Variants in UBAC2 observed in about 807,000 individuals in gnomAD.
The protein encoded by UBAC2 is UBA domain containing 2.
A neutral mutation model predicts 44.0 loss-of-function variants in UBAC2; 26 were observed. The ratio of observed to expected loss-of-function variants is 0.59; its 90% confidence interval spans 0.43 to 0.82. The LOEUF is 0.82. Ranked by LOEUF, UBAC2 falls within the 40% of genes least tolerant of loss-of-function variation. The pLI, the probability that UBAC2 is intolerant of heterozygous loss-of-function variation, is 0.00. For missense variants in UBAC2, 329 were observed against 419.4 expected (o/e 0.78, Z 1.88); for synonymous variants, 155 against 154.3 (o/e 1.00, Z -0.04).
intron 4 of UBAC2, chr13:99,313,355 A>G (rs957238208): frequency 3.9e-5 from 6 of 152,208 alleles, no homozygotes; most frequent in African/African-American, 1.4e-4. Flanking sequence ...ACTGCCAACA[A>G]TGTTAAGAAA....
At chr13:99,365,055 A>G (rs1391828747) in intron 7 of UBAC2, among the ~76,000 whole-genome samples, 2 of 152,224 alleles carry the variant, frequency 1.3e-5, no homozygotes, top group Non-Finnish European at 2.9e-5. Context: ...TTTCTCTAGA[A>G]TAAGTTTTAA....
intron 1 of UBAC2, among the ~76,000 whole-genome samples, chr13:99,233,195 C>A (rs911960847): frequency 6.6e-6 from 1 of 151,666 alleles, no homozygotes. Context: ...TCACTGCAAC[C>A]TCCACTACCC....
intron 8 of UBAC2, among the ~76,000 whole-genome samples, chr13:99,376,351 G>A (rs1016872733): frequency 2.6e-5 from 4 of 152,184 alleles, no homozygotes; most frequent in African/African-American, 9.7e-5. Flanking sequence ...AGCTCGTGAC[G>A]AAAGGCAACT....
At chr13:99,367,720 C>T (rs1290640797) in intron 7 of UBAC2, 67 bp from the exon 8 acceptor site, 40 of 1,603,236 alleles carry the variant, frequency 2.5e-5, no homozygotes, top group Non-Finnish European at 3.1e-5. Context: ...TGAGAGAAAG[C>T]TCTTCCAAGC....
At chr13:99,246,744 A>G (rs1025150784) in intron 4 of UBAC2, among the ~76,000 whole-genome samples, 4 of 152,232 alleles carry the variant, frequency 2.6e-5, no homozygotes, top group African/African-American at 7.2e-5. Flanking sequence ...GGATTTACCT[A>G]TTTAAATCTC....
intron 4 of UBAC2, among the ~76,000 whole-genome samples, chr13:99,249,533 T>G (rs755918313): frequency 4.6e-5 from 7 of 152,244 alleles, no homozygotes; most frequent in African/African-American, 7.2e-5. Flanking sequence ...GTAGAATGAT[T>G]TATTTTCTTT....
chr13:99,255,738 C>T, intron 4 of UBAC2: 13 of 1,613,734 alleles, frequency 8.1e-6, no homozygotes, highest in African/African-American at 1.3e-5. Context: ...AACTGAAAAC[C>T]CATAATGCAG....
chr13:99,324,155 G>A (rs1213701296), intron 6 of UBAC2, among the ~76,000 whole-genome samples: 2 of 152,126 alleles, frequency 1.3e-5, no homozygotes, highest in Non-Finnish European at 2.9e-5. Context: ...ACAGCACTTA[G>A]TATGTACCAG....
intron 8 of UBAC2, chr13:99,372,707 A>C (rs752892823): frequency 6.6e-6 from 1 of 152,616 alleles, no homozygotes; most frequent in Non-Finnish European, 1.5e-5. Context: ...AGGAGGAAGA[A>C]GAAGATAAAT....
rs773773228 is a variant in UBAC2, at chr13:99,295,086, G to A, written c.390-19011G>A. ...CACTTTCCATTTGAAGACTTGGAATGTATCATCATCTGCGTTTCTGTCATT... is the reference window on the plus strand; with the variant it reads ...CACTTTCCATTTGAAGACTTGGAATATATCATCATCTGCGTTTCTGTCATT... On this transcript the variant is annotated intron_variant, in intron 4 of 8. Transcript: ENST00000403766. This position sits in a 1 kb window ranked among gnomAD's most constrained non-coding sequence, Gnocchi z 4.1. 5 of 1,613,968 alleles carry A rather than the reference G, an allele frequency of 3.1e-6. No homozygotes were observed. In the South Asian group the frequency reaches 4.4e-5, roughly 14 times the overall value.
chr13:99,295,398 T>G lies in UBAC2; in HGVS notation c.390-18699T>G. The G allele has an allele frequency of 1.2e-6, 2 of 1,614,104 alleles. No individual in the cohort carries two copies. Among genetic ancestry groups the G allele is most frequent in the Non-Finnish European group, 1.7e-6 (2 of 1,179,998 alleles). Reference sequence around the variant, plus strand: ...GTGAAACAGAGAACAAACACAACAATAATAAGAATAATTGTGTTGAGAGCC... The same window carrying G: ...GTGAAACAGAGAACAAACACAACAAGAATAAGAATAATTGTGTTGAGAGCC... On this transcript the variant is annotated intron_variant, in intron 4 of 8. Transcript: ENST00000403766. The surrounding 1 kb of genome is among the most constrained non-coding windows in gnomAD (Gnocchi z 4.1).
intron 1 of UBAC2, among the ~76,000 whole-genome samples, chr13:99,214,226 T>G (rs1043796873): frequency 2.6e-5 from 4 of 151,180 alleles, no homozygotes; most frequent in East Asian, 1.9e-4. Context: ...TTGGTTTGTT[T>G]TTTTTTTTTT....
intron 7 of UBAC2, among the ~76,000 whole-genome samples, chr13:99,361,063 C>A (rs1337743978): frequency 6.6e-6 from 1 of 152,150 alleles, no homozygotes; most frequent in Non-Finnish European, 1.5e-5. Context: ...CATGGAACTT[C>A]TGCTTAATAA....
rs11841674 is a variant in UBAC2 at position 99,203,976 on chromosome 13, G to A, written c.31+3037G>A. 3.8e-3 allele frequency among the ~76,000 whole-genome samples: 579 copies of A among 152,330 alleles called. 6 individuals are homozygous for A. Among genetic ancestry groups the A allele is most frequent in the South Asian group, 0.011 (52 of 4,826 alleles). On this transcript the variant is annotated intron_variant, in intron 1 of 8. Transcript: ENST00000403766. ...TGCAATTATGACCGGGTAAAAGTGC[G>A]TAGGATTAGTGATCATGACTTATTT... is the stretch of plus-strand genomic sequence containing the variant.
intron 1 of UBAC2, among the ~76,000 whole-genome samples, chr13:99,220,106 T>C (rs1412438839): frequency 2.0e-5 from 3 of 152,258 alleles, no homozygotes; most frequent in Non-Finnish European, 4.4e-5. Context: ...GTCATAATTC[T>C]GTGCTTGACG....
chr13:99,326,952 A>G (rs990309381), intron 6 of UBAC2, among the ~76,000 whole-genome samples: 8 of 152,230 alleles, frequency 5.3e-5, no homozygotes, highest in South Asian at 2.1e-4. Context: ...GAAAAACACA[A>G]TCGACAACTT....
intron 1 of UBAC2, among the ~76,000 whole-genome samples, chr13:99,208,972 G>C (rs2042908254): frequency 1.3e-5 from 2 of 152,348 alleles, no homozygotes; most frequent in South Asian, 4.1e-4. Flanking sequence ...TCCCCCTATA[G>C]TTTCCTCCTG....
chr13:99,273,356 A>G lies in UBAC2; in HGVS notation c.389+28732A>G, dbSNP rs117556900. Among the ~76,000 whole-genome samples, 470 of 152,286 alleles carry G rather than the reference A, an allele frequency of 3.1e-3. 2 individuals carry two copies. The highest frequency in any genetic ancestry group is 5.6e-3 in the Admixed American group (86 of 15,294). On this transcript the variant is annotated intron_variant, in intron 4 of 8. Coordinates refer to ENST00000403766, the MANE Select transcript of UBAC2 (RefSeq NM_001144072.2). ...AAGAGGGGCAGTGAGCACCCAGGAT[A>G]GAGAATCCACAGCCACTGCAGGACC...
At chr13:99,213,815 G>C (rs547644889) in intron 1 of UBAC2, among the ~76,000 whole-genome samples, 2 of 152,190 alleles carry the variant, frequency 1.3e-5, no homozygotes, top group South Asian at 2.1e-4. Context: ...CAAAAGATAA[G>C]AATATTTTAT....
Sources: gnomAD v4.1 joint callset for allele counts (sites outside exome capture counted in the v4.1 genomes callset) on GRCh38, gnomAD v4.1.1 for gene constraint, Gnocchi (gnomAD v3.1) non-coding constraint, MANE v1.5 for transcripts, NCBI Gene and HGNC (gene_info 2026-07-23, HGNC 2026-07-21) for gene names.